Variants in ACSM3 observed in about 807,000 individuals in gnomAD.
ACSM3 encodes the protein acyl-CoA synthetase medium chain family member 3, also known as acyl-coenzyme A synthetase ACSM3, mitochondrial.
In ACSM3, 61 loss-of-function variants were observed where a neutral mutation model predicts 74.1. The ratio of observed to expected loss-of-function variants is 0.82; its 90% CI spans 0.67 to 1.02. The LOEUF is 1.02. Ranked by LOEUF, ACSM3 falls within the 50% of genes least tolerant of loss-of-function variation. The pLI is 0.00. For missense variants in ACSM3, 660 were observed against 697.0 expected, an observed-to-expected ratio of 0.95 and a Z score of 0.60; for synonymous variants, 213 against 241.5, an observed-to-expected ratio of 0.88 and a Z score of 1.09.
chr16:20,791,377 C>A (rs555286070), intron 10 of ACSM3, among the ~76,000 whole-genome samples: 1 of 152,286 alleles, frequency 6.6e-6, no homozygotes, highest in East Asian at 1.9e-4. Context: ...TCTTTTCCTA[C>A]CAGCATTATC....
chr16:20,741,525 A>G lies in ACSM3; in HGVS notation c.-189-8385A>G. On this transcript the variant is annotated intron_variant, in intron 1 of 3. Transcript: ENST00000561584. The stretch of plus-strand genomic sequence containing the variant: ...GACCGGTACCTTTTCTGGCCCATAC[A>G]TGTCGTCGCCGTATTCGTTGAGGAG... 1 of 1,271,350 alleles carries G rather than the reference A, an allele frequency of 7.9e-7. No homozygotes were observed. Among genetic ancestry groups the G allele is most frequent in the East Asian group, 5.6e-5 (1 of 17,906 alleles). 78.8% of individuals were successfully genotyped at this position (1,271,350 alleles called of 1,614,324 possible). A position where few individuals can be genotyped will look rare whatever the true frequency, so the allele number is the denominator to read the frequency against.
chr16:20,685,191 A>T, intron 1 of ACSM3: 1 of 1,614,012 alleles, frequency 6.2e-7, no homozygotes, highest in Non-Finnish European at 8.5e-7. Context: ...TGCATCACTG[A>T]CCTGTTCGCA....
At chr16:20,783,933 G>A (rs2080411274) in intron 7 of ACSM3, among the ~76,000 whole-genome samples, 1 of 152,104 alleles carries the variant, frequency 6.6e-6, no homozygotes, top group South Asian at 2.1e-4. Flanking sequence ...AGCCTCCTGA[G>A]CATGTAGGAT....
intron 1 of ACSM3, among the ~76,000 whole-genome samples, chr16:20,702,622 A>G (rs1039467005): frequency 6.6e-6 from 1 of 152,074 alleles, no homozygotes; most frequent in Non-Finnish European, 1.5e-5. Context: ...ATTGAGAACT[A>G]TCTGTTCATA....
chr16:20,721,462 G>C (rs994675274), intron 1 of ACSM3: 2 of 152,078 alleles, frequency 1.3e-5, no homozygotes, highest in Non-Finnish European at 2.9e-5. Flanking sequence ...ATAATGTAAG[G>C]GTTTAGATTG....
chr16:20,755,931 A>G (rs962076136), intron 3 of ACSM3, among the ~76,000 whole-genome samples: 1 of 151,726 alleles, frequency 6.6e-6, no homozygotes, highest in African/African-American at 2.4e-5. Context: ...ATGACTTCCA[A>G]TTTCATCCGT....
intron 1 of ACSM3, chr16:20,728,306 A>G: frequency 3.2e-6 from 2 of 631,204 alleles, no homozygotes; most frequent in South Asian, 2.0e-5. Context: ...GTTTTCTGCT[A>G]TTCACTGTAC....
intron 3 of ACSM3, among the ~76,000 whole-genome samples, chr16:20,756,909 T>G (rs2080036089): frequency 6.6e-6 from 1 of 152,102 alleles, no homozygotes; most frequent in African/African-American, 2.4e-5. Flanking sequence ...CCCCATTGCT[T>G]GTTTTTCTCA....
intron 1 of ACSM3, among the ~76,000 whole-genome samples, chr16:20,695,270 C>T (rs1179130971): frequency 1.3e-5 from 2 of 152,136 alleles, no homozygotes; most frequent in East Asian, 1.9e-4. Context: ...TTTATTTAAC[C>T]TCCCTATAAA....
At chr16:20,730,989 C>T (rs942016127) in intron 1 of ACSM3, among the ~76,000 whole-genome samples, 6 of 152,104 alleles carry the variant, frequency 3.9e-5, no homozygotes, top group African/African-American at 7.2e-5. Context: ...CCTCCTGAGT[C>T]GCTAGGACTA....
At chr16:20,698,170 G>A (rs1217730336) in intron 1 of ACSM3, among the ~76,000 whole-genome samples, 1 of 149,684 alleles carries the variant, frequency 6.7e-6, no homozygotes, top group Non-Finnish European at 1.5e-5. Context: ...CTCCAGCCTG[G>A]GAGACAGAGA....
chr16:20,796,850 T>C, intron 13 of ACSM3, 36 bp from the exon 14 acceptor site: 1 of 1,606,642 alleles, frequency 6.2e-7, no homozygotes. Flanking sequence ...AAGATAAAAA[T>C]TTCCAGGCTA....
intron 1 of ACSM3, among the ~76,000 whole-genome samples, chr16:20,709,492 C>G (rs1409679726): frequency 6.6e-6 from 1 of 152,158 alleles, no homozygotes; most frequent in African/African-American, 2.4e-5. Flanking sequence ...ATCTGAAAAC[C>G]ACTAGAAGAA....
chr16:20,752,710 T>C (rs1390604904), intron 2 of ACSM3, among the ~76,000 whole-genome samples: 1 of 152,158 alleles, frequency 6.6e-6, no homozygotes, highest in Non-Finnish European at 1.5e-5. Flanking sequence ...GAGATCCCTA[T>C]GAAATAATAG....
chr16:20,750,426 A>G (rs1045862733), intron 2 of ACSM3, among the ~76,000 whole-genome samples: 12 of 152,172 alleles, frequency 7.9e-5, no homozygotes, highest in African/African-American at 2.9e-4. Flanking sequence ...CTAGGCCTAA[A>G]TTCATGAGAT....
rs745476935 is a variant in ACSM3, at chr16:20,691,106, C to T, written c.-190+16284C>T. On this transcript the variant is annotated intron_variant, in intron 1 of 3. Transcript: ENST00000561584. Reference sequence around the variant, plus strand: ...TCCAAATTCTGATAAAGACCGGCAGCGCAGCTGTGAAGGGGCAGGGTGGAT... The same window carrying T: ...TCCAAATTCTGATAAAGACCGGCAGTGCAGCTGTGAAGGGGCAGGGTGGAT... 15 of 1,613,574 alleles carry T rather than the reference C, an allele frequency of 9.3e-6. No individual in the cohort carries two copies. The East Asian group carries it at 1.3e-4, about 14-fold the overall frequency.
chr16:20,724,013 G>C (rs1370111206), intron 1 of ACSM3, among the ~76,000 whole-genome samples: 1 of 152,134 alleles, frequency 6.6e-6, no homozygotes, highest in African/African-American at 2.4e-5. Context: ...TATGGTTTTA[G>C]GTCTAACATG....
At chr16:20,705,248 C>T (rs2079723670) in intron 1 of ACSM3, among the ~76,000 whole-genome samples, 2 of 152,014 alleles carry the variant, frequency 1.3e-5, no homozygotes, top group African/African-American at 2.4e-5. Context: ...TGGTGGGCAC[C>T]TGTAGTCCCA....
chr16:20,773,498 A>C (rs1204065876), intron 2 of ACSM3, among the ~76,000 whole-genome samples: 1 of 152,140 alleles, frequency 6.6e-6, no homozygotes, highest in East Asian at 1.9e-4. Flanking sequence ...TTATGGCTAT[A>C]AACTTCCCTT....
Sources: allele counts gnomAD v4.1 joint callset (sites outside exome capture counted in the v4.1 genomes callset), GRCh38; gene constraint gnomAD v4.1.1; transcripts MANE v1.5; gene names NCBI Gene and HGNC (gene_info 2026-07-23, HGNC 2026-07-21).